Variants in STAG2 observed in about 807,000 individuals in gnomAD.
STAG2 encodes the protein STAG2 cohesin complex component, also known as cohesin subunit SA-2.
STAG2 carries 14 observed loss-of-function variants against 108.1 expected under a neutral mutation model. The ratio of observed to expected loss-of-function variants is 0.13; its 90% confidence interval spans 0.09 to 0.20. STAG2 has a LOEUF of 0.20. STAG2 is among the 10% of genes least tolerant of loss of function. The pLI is 1.00. For synonymous variants in STAG2, 307 were observed against 302.7 expected, an observed-to-expected ratio of 1.01 and a Z score of -0.15; for missense variants, 440 against 940.9, an observed-to-expected ratio of 0.47 and a Z score of 6.96.
chrX:124,063,726 G>A (rs2058445954), intron 19 of STAG2, 122 bp from the exon 20 acceptor site: 1 of 494,939 alleles, frequency 2.0e-6, no homozygotes, highest in African/African-American at 2.4e-5. Context: ...ACCTTAAAAT[G>A]TACGCTCTGT....
In STAG2 at chrX:124,061,812, C is replaced by T. The variant is rs907474703; in HGVS notation, c.1576C>T (p.Leu526Phe). ...RQESALIEIM[L>F]CTIRQAAECH... ...AGAGAGTGCTCTGATTGAAATAATGCTTTGTACCATTAGACAAGCGGCTGA... is the reference window on the plus strand; with the variant it reads ...AGAGAGTGCTCTGATTGAAATAATGTTTTGTACCATTAGACAAGCGGCTGA... Residue 526 changes from leucine to phenylalanine, a missense_variant, in exon 17 of 35, where the codon CTT (leucine) becomes TTT (phenylalanine). Transcript: ENST00000371145. The T allele has an allele frequency of 9.3e-7, 1 of 1,077,898 alleles. No individual in the cohort carries two copies. The highest frequency in any genetic ancestry group is 1.2e-6 in the Non-Finnish European group (1 of 817,804). The allele number at this position is 1,077,898 out of a possible 1,213,427, so 88.8% of individuals were successfully genotyped here.
At chrX:124,089,916 T>C (rs1043773055) in intron 30 of STAG2, among the ~76,000 whole-genome samples, 1 of 110,158 alleles carries the variant, frequency 9.1e-6, no homozygotes, top group African/African-American at 3.3e-5. Context: ...ATCCCAGCAC[T>C]ATAGGAGGCC....
intron 1 of STAG2, among the ~76,000 whole-genome samples, chrX:124,019,074 T>A (rs940874196): frequency 1.5e-4 from 15 of 100,976 alleles, no homozygotes; most frequent in Admixed American, 3.2e-4. Context: ...TTTTTTTTTT[T>A]ATTTAAGATG....
intron 7 of STAG2, among the ~76,000 whole-genome samples, chrX:124,043,574 C>G (rs1051137634): frequency 3.6e-5 from 4 of 111,210 alleles, no homozygotes; most frequent in African/African-American, 9.8e-5. Flanking sequence ...CAGAACATAG[C>G]AAGGACTTAA....
At chrX:124,006,730 T>C (rs190345182) in intron 1 of STAG2, among the ~76,000 whole-genome samples, 3,168 of 111,222 alleles carry the variant, frequency 0.028, 44 homozygotes, top group Non-Finnish European at 0.04. Flanking sequence ...TGAGCCACCG[T>C]GCCCGGGCTG....
intron 13 of STAG2, among the ~76,000 whole-genome samples, chrX:124,051,811 C>T (rs887234993): frequency 7.2e-5 from 8 of 111,041 alleles, no homozygotes; most frequent in South Asian, 3.8e-4. Context: ...AGGATGGTCT[C>T]GATCTCCTGA....
At chrX:124,031,284 C>A (rs1245124571) in intron 5 of STAG2, among the ~76,000 whole-genome samples, 159 bp downstream of exon 5, 1 of 112,162 alleles carries the variant, frequency 8.9e-6, no homozygotes, top group Non-Finnish European at 1.9e-5. Flanking sequence ...TGTATTTCTT[C>A]ATATATAAGA....
intron 29 of STAG2, among the ~76,000 whole-genome samples, 200 bp downstream of exon 29, chrX:124,083,749 G>A (rs2059023249): frequency 8.9e-6 from 1 of 111,891 alleles, no homozygotes; most frequent in South Asian, 3.7e-4. Context: ...AATATTGTGA[G>A]TTTTCCTCCA....
At chrX:123,993,240 G>A (rs979313845) in intron 1 of STAG2, among the ~76,000 whole-genome samples, 2 of 109,396 alleles carry the variant, frequency 1.8e-5, no homozygotes, top group African/African-American at 3.4e-5. Context: ...CTGAGTCCAG[G>A]AGTTCAAGAC....
At chrX:124,033,965 C>A (rs759985887) in intron 5 of STAG2, among the ~76,000 whole-genome samples, 1 of 110,950 alleles carries the variant, frequency 9.0e-6, no homozygotes, top group South Asian at 3.8e-4. Context: ...CTCTCAGGGG[C>A]CTTGTGATCT....
intron 20 of STAG2, among the ~76,000 whole-genome samples, chrX:124,065,413 C>G: frequency 9.0e-6 from 1 of 111,088 alleles, no homozygotes; most frequent in Non-Finnish European, 1.9e-5. Flanking sequence ...TGTTGATATC[C>G]AAATGGGACC....
Position 124,030,910 on chromosome X carries a change from G to C in STAG2, c.124-51G>C, listed in dbSNP as rs376486819. ...GCTACTTCTACTGTAGCTGTGTTTTGAACTCTCAAGGATAGTGATATAACT... is the reference window on the plus strand; with the variant it reads ...GCTACTTCTACTGTAGCTGTGTTTTCAACTCTCAAGGATAGTGATATAACT... On this transcript the variant is annotated intron_variant, in intron 4 of 34. Coordinates refer to ENST00000371145, the MANE Select transcript of STAG2 (RefSeq NM_001042750.2). The C allele has an allele frequency of 1.6e-4, 176 of 1,111,012 alleles. No individual in the cohort carries two copies. The East Asian group carries it at 5.1e-3, about 32-fold the overall frequency. The allele number at this position is 1,111,012 out of a possible 1,213,427, so 91.6% of individuals were successfully genotyped here.
chrX:124,040,698 C>T (rs2057682876), intron 6 of STAG2, among the ~76,000 whole-genome samples: 1 of 109,028 alleles, frequency 9.2e-6, no homozygotes, highest in Non-Finnish European at 1.9e-5. Context: ...CAGAAATGTT[C>T]AGGTCATTAG....
At chrX:124,040,964 G>A (rs1018011210) in intron 6 of STAG2, among the ~76,000 whole-genome samples, 3 of 102,024 alleles carry the variant, frequency 2.9e-5, no homozygotes, top group Admixed American at 1.1e-4. Context: ...AGATTCAAGC[G>A]TTTCTCCTAC....
At chrX:124,041,631 T>A (rs777808724) in intron 6 of STAG2, among the ~76,000 whole-genome samples, 2 of 111,002 alleles carry the variant, frequency 1.8e-5, no homozygotes, top group South Asian at 7.6e-4. Context: ...ATTTTGAAAA[T>A]CTAGTATTTA....
chrX:124,080,688 CA>C (rs1414388921), intron 27 of STAG2, among the ~76,000 whole-genome samples: 22 of 96,590 alleles, frequency 2.3e-4, no homozygotes, highest in African/African-American at 1.9e-4. Flanking sequence ...ACTCTGTCTC[CA>C]AAAAAAAAAA....
At chrX:123,981,804 T>C (rs960184174) in intron 1 of STAG2, among the ~76,000 whole-genome samples, 8 of 111,451 alleles carry the variant, frequency 7.2e-5, no homozygotes, top group Non-Finnish European at 1.3e-4. Context: ...ATTTACAGTC[T>C]AGTAGGGAAA....
chrX:124,080,824 A>AT (rs374464673), intron 27 of STAG2, among the ~76,000 whole-genome samples: 3 of 112,290 alleles, frequency 2.7e-5, no homozygotes, highest in African/African-American at 9.7e-5. Context: ...CATTTTATAG[A>AT]TAGACCACAA....
chrX:124,084,237 A>G (rs2059038299), intron 29 of STAG2, among the ~76,000 whole-genome samples: 2 of 112,067 alleles, frequency 1.8e-5, no homozygotes, highest in South Asian at 7.3e-4. Flanking sequence ...ATGAAATTCT[A>G]AAGCAGGCAA....
Sources: allele counts gnomAD v4.1 joint callset (sites outside exome capture counted in the v4.1 genomes callset), GRCh38; gene constraint gnomAD v4.1.1; transcripts MANE v1.5; gene names NCBI Gene and HGNC (gene_info 2026-07-23, HGNC 2026-07-21).